MDFIC2: variants seen among roughly 807,000 people sequenced by gnomAD.
MDFIC2 encodes MyoD family inhibitor domain containing 2, also known as myoD family inhibitor domain-containing protein 2.
intron 2 of MDFIC2, among the ~76,000 whole-genome samples, chr3:70,213,952 A>T (rs1576157794): frequency 6.6e-6 from 1 of 152,102 alleles, no homozygotes; most frequent in South Asian, 2.1e-4. Context: ...AGCATAATAA[A>T]AGGTGATTGA....
intron 2 of MDFIC2, among the ~76,000 whole-genome samples, chr3:70,257,880 C>T (rs565980480): frequency 1.8e-4 from 28 of 152,134 alleles, no homozygotes; most frequent in African/African-American, 6.5e-4. Context: ...TCCAAAGTTG[C>T]AATAAAGCTA....
intron 2 of MDFIC2, among the ~76,000 whole-genome samples, chr3:70,292,203 G>A (rs543670451): frequency 5.0e-4 from 76 of 152,288 alleles, no homozygotes; most frequent in African/African-American, 1.7e-3. Context: ...ATGAATTGGA[G>A]ATAATAATAC....
intron 2 of MDFIC2, among the ~76,000 whole-genome samples, chr3:70,239,559 T>C (rs1178699555): frequency 1.3e-5 from 2 of 152,312 alleles, no homozygotes; most frequent in Non-Finnish European, 2.9e-5. Context: ...AGTATAAAAT[T>C]TGAATTTAGA....
intron 2 of MDFIC2, among the ~76,000 whole-genome samples, chr3:70,282,598 T>A (rs536629110): frequency 9.2e-5 from 14 of 152,284 alleles, no homozygotes; most frequent in African/African-American, 2.9e-4. Context: ...CTTGCTATTT[T>A]CTATGCTGGA....
At chr3:70,293,584 G>T (rs1052812395) in intron 2 of MDFIC2, among the ~76,000 whole-genome samples, 1 of 152,014 alleles carries the variant, frequency 6.6e-6, no homozygotes, top group African/African-American at 2.4e-5. Context: ...TGCCTTACTT[G>T]GGTGCCACAG....
At chr3:70,290,510 T>G in intron 2 of MDFIC2, among the ~76,000 whole-genome samples, 1 of 152,170 alleles carries the variant, frequency 6.6e-6, no homozygotes, top group Admixed American at 6.5e-5. Context: ...TGGCTGTCTT[T>G]TTGTTTGTCT....
chr3:70,282,543 T>C (rs551672434), intron 2 of MDFIC2, among the ~76,000 whole-genome samples: 1 of 152,340 alleles, frequency 6.6e-6, no homozygotes, highest in Non-Finnish European at 1.5e-5. Context: ...TCTATTTTGT[T>C]GGCTTTGAAC....
chr3:70,240,942 T>G (rs1701661779), intron 2 of MDFIC2, among the ~76,000 whole-genome samples: 1 of 152,220 alleles, frequency 6.6e-6, no homozygotes, highest in African/African-American at 2.4e-5. Context: ...CATCATTTGA[T>G]AAATGAGCCA....
At chr3:70,290,110 C>T (rs899092965) in intron 2 of MDFIC2, among the ~76,000 whole-genome samples, 135 of 152,342 alleles carry the variant, frequency 8.9e-4, no homozygotes, top group Middle Eastern at 3.4e-3. Context: ...TGAGGAGCTG[C>T]GTTCCTTTGT....
intron 2 of MDFIC2, among the ~76,000 whole-genome samples, chr3:70,240,870 A>G (rs1463032456): frequency 4.6e-5 from 7 of 152,176 alleles, no homozygotes; most frequent in Non-Finnish European, 8.8e-5. Flanking sequence ...CCATAAGATG[A>G]CAGAATTAGG....
intron 2 of MDFIC2, among the ~76,000 whole-genome samples, chr3:70,263,969 A>G (rs1487454557): frequency 6.6e-6 from 1 of 152,190 alleles, no homozygotes; most frequent in Non-Finnish European, 1.5e-5. Context: ...TCAACAGCAG[A>G]AGGATGATTC....
chr3:70,203,258 CATA>C (rs1319286448), intron 3 of MDFIC2, among the ~76,000 whole-genome samples: 5 of 152,064 alleles, frequency 3.3e-5, no homozygotes, highest in Non-Finnish European at 5.9e-5. Flanking sequence ...AATTCAGCAT[CATA>C]ATGAGATTCA....
At chr3:70,220,997 C>G (rs1701456758) in intron 2 of MDFIC2, among the ~76,000 whole-genome samples, 1 of 152,140 alleles carries the variant, frequency 6.6e-6, no homozygotes, top group Non-Finnish European at 1.5e-5. Flanking sequence ...TGTTTTAAAT[C>G]TGGTTCTAAG....
intron 2 of MDFIC2, among the ~76,000 whole-genome samples, chr3:70,207,758 T>C (rs1354942329): frequency 2.6e-5 from 4 of 152,068 alleles, no homozygotes; most frequent in Admixed American, 2.0e-4. Flanking sequence ...GTAAAGTATA[T>C]GGGAGGATAT....
intron 2 of MDFIC2, among the ~76,000 whole-genome samples, chr3:70,293,293 A>AATT (rs1459810916): frequency 6.6e-6 from 1 of 152,096 alleles, no homozygotes; most frequent in Non-Finnish European, 1.5e-5. Flanking sequence ...AATTACATAC[A>AATT]ATTATCAAAA....
chr3:70,282,639 C>A lies in MDFIC2; in HGVS notation c.88+29247G>T, dbSNP rs1367325787. On this transcript the variant is annotated intron_variant, in intron 2 of 3. Transcript: ENST00000567252. ...TTTCTTTCTAGATCTAAACATGGTT[C>A]TTGCCCTCATTTCATTCTGCTTCTG... Among the ~76,000 whole-genome samples the A allele has an allele frequency of 2.0e-5, 3 of 152,170 alleles. No homozygotes were observed. In the South Asian group the frequency reaches 6.2e-4, roughly 31 times the overall value.
At position 70,196,908 on chromosome 3, in the gene MDFIC2, T is replaced by C. The variant is rs1367981381; in HGVS notation, c.*18A>G. 1 of 398,426 alleles carries C rather than the reference T, an allele frequency of 2.5e-6. No individual in the cohort carries two copies. The highest frequency in any genetic ancestry group is 4.4e-6 in the Non-Finnish European group (1 of 225,996). The allele number at this position is 398,426 out of a possible 1,614,324, so 24.7% of individuals were successfully genotyped here. Reference sequence around the variant, plus strand: ...ACCGTGGCCAAAAGGACTGCCGGAATGTGGTTACTTCACTGTGCTAGCGGT... The same window carrying C: ...ACCGTGGCCAAAAGGACTGCCGGAACGTGGTTACTTCACTGTGCTAGCGGT... On this transcript the variant is annotated 3_prime_UTR_variant, in exon 4 of 4. Transcript: ENST00000567252.
At chr3:70,256,184 CA>C (rs1701814407) in intron 2 of MDFIC2, among the ~76,000 whole-genome samples, 1 of 152,070 alleles carries the variant, frequency 6.6e-6, no homozygotes, top group Non-Finnish European at 1.5e-5. Context: ...CCTTTTTATT[CA>C]GAGGGAAACA....
chr3:70,293,003 G>A (rs1431705508), intron 2 of MDFIC2, among the ~76,000 whole-genome samples: 1 of 138,650 alleles, frequency 7.2e-6, no homozygotes, highest in Non-Finnish European at 1.5e-5. Context: ...AAGGCTATTT[G>A]CAGGTAGTAC....
Sources: gnomAD v4.1 joint callset for allele counts (sites outside exome capture counted in the v4.1 genomes callset) on GRCh38, gnomAD v4.1.1 for gene constraint, MANE v1.5 for transcripts, NCBI Gene and HGNC (gene_info 2026-07-23, HGNC 2026-07-21) for gene names.